Variants in DCLK1 observed in about 807,000 individuals in gnomAD.
DCLK1 encodes the protein serine/threonine-protein kinase DCLK1.
A neutral mutation model predicts 86.2 loss-of-function variants in DCLK1; 16 were observed. The observed-to-expected ratio is 0.19, with a 90% CI of 0.13 to 0.28. The LOEUF (loss-of-function observed/expected upper bound fraction) is 0.28. Ranked by LOEUF, DCLK1 falls within the 10% of genes least tolerant of loss-of-function variation. The pLI is 1.00. For synonymous variants in DCLK1, 369 were observed against 370.5 expected (o/e 1.00, Z 0.05); for missense variants, 590 against 940.2 (o/e 0.63, Z 4.87).
chr13:36,073,755 A>C (rs543922565), intron 3 of DCLK1, among the ~76,000 whole-genome samples: 1 of 152,298 alleles, frequency 6.6e-6, no homozygotes, highest in South Asian at 2.1e-4. Flanking sequence ...TATTTGAAAA[A>C]TGAGGACCTT....
chr13:35,958,283 TGCC>T (rs369545634), intron 3 of DCLK1, among the ~76,000 whole-genome samples: 312 of 3,716 alleles, frequency 0.084, 10 homozygotes, highest in African/African-American at 0.11. Context: ...CCACCATCAC[TGCC>T]ACTATAACCA....
At chr13:36,130,031 A>T (rs1357423447) in intron 1 of DCLK1, among the ~76,000 whole-genome samples, 1 of 152,180 alleles carries the variant, frequency 6.6e-6, no homozygotes, top group Admixed American at 6.5e-5. Flanking sequence ...GGCATATTTT[A>T]ACCGTGGGAT....
At chr13:35,916,159 C>A (rs1593729774) in intron 4 of DCLK1, among the ~76,000 whole-genome samples, 1 of 152,110 alleles carries the variant, frequency 6.6e-6, no homozygotes. Flanking sequence ...GGAGCAAAAC[C>A]CTAAGAATCC....
intron 3 of DCLK1, among the ~76,000 whole-genome samples, chr13:35,978,203 C>CTTTTTTTTTTTTTTTTTTTTTTTTT (rs11311688): frequency 1.2e-5 from 1 of 82,756 alleles, no homozygotes; most frequent in Non-Finnish European, 2.3e-5. Flanking sequence ...CTTTTCTTTT[C>CTTTTTTTTTTTTTTTTTTTTTTTTT]TTTTTTTTTT....
chr13:36,079,445 C>T (rs1365249139), intron 3 of DCLK1, among the ~76,000 whole-genome samples: 1 of 151,964 alleles, frequency 6.6e-6, no homozygotes, highest in East Asian at 1.9e-4. Flanking sequence ...GCCTGGCCAA[C>T]ATGGTGAAAC....
At chr13:35,966,814 T>G (rs1878766950) in intron 3 of DCLK1, among the ~76,000 whole-genome samples, 1 of 151,946 alleles carries the variant, frequency 6.6e-6, no homozygotes, top group African/African-American at 2.4e-5. Flanking sequence ...CGCTCAATGT[T>G]GCCCAGGCTG....
chr13:35,991,885 G>A (rs1473292241), intron 3 of DCLK1, among the ~76,000 whole-genome samples: 2 of 151,942 alleles, frequency 1.3e-5, no homozygotes, highest in African/African-American at 4.8e-5. Context: ...TCTATTTGGG[G>A]GTAATGCTAG....
chr13:35,871,782 C>A (rs753607211), intron 4 of DCLK1, among the ~76,000 whole-genome samples: 1 of 152,152 alleles, frequency 6.6e-6, no homozygotes. Flanking sequence ...CACAACAGGA[C>A]CAAGTTTATT....
chr13:35,932,222 C>A (rs139274087), intron 4 of DCLK1, among the ~76,000 whole-genome samples: 4 of 152,242 alleles, frequency 2.6e-5, no homozygotes, highest in African/African-American at 9.6e-5. Flanking sequence ...TGAGCTGGAA[C>A]ATCTGATTTC....
At chr13:36,045,326 GTGTGTGTATATATATA>G (rs1339619163) in intron 3 of DCLK1, among the ~76,000 whole-genome samples, 12 of 60,930 alleles carry the variant, frequency 2.0e-4, no homozygotes, top group South Asian at 7.3e-4. Flanking sequence ...ATATGTGTGT[GTGTGTGTATATATATA>G]TATATATATA....
At chr13:35,949,859 C>T (rs1200156161) in intron 3 of DCLK1, among the ~76,000 whole-genome samples, 3 of 72,348 alleles carry the variant, frequency 4.1e-5, no homozygotes, top group Admixed American at 2.2e-4. Context: ...GGAAATGAAA[C>T]GTGATGAAAT....
chr13:36,086,623 G>A (rs1297752700), intron 3 of DCLK1, among the ~76,000 whole-genome samples: 1 of 151,514 alleles, frequency 6.6e-6, no homozygotes, highest in Non-Finnish European at 1.5e-5. Context: ...CCCTCCCCTC[G>A]CCCCTGCCCC....
chr13:36,047,422 T>C (rs1297026704), intron 3 of DCLK1, among the ~76,000 whole-genome samples: 1 of 152,146 alleles, frequency 6.6e-6, no homozygotes, highest in Non-Finnish European at 1.5e-5. Flanking sequence ...ATGGAAGCAA[T>C]CTAAGTGTCA....
chr13:36,035,114 G>A (rs1034612387), intron 3 of DCLK1, among the ~76,000 whole-genome samples: 26 of 152,046 alleles, frequency 1.7e-4, no homozygotes, highest in African/African-American at 6.0e-4. Flanking sequence ...AAATCACATC[G>A]CTGCCCATGG....
chr13:35,770,233 A>G lies in DCLK1; in HGVS notation c.*4302T>C, dbSNP rs1376645453. ...CCGTTTCATGTGTAAGCACCATTGA[A>G]CCAATTTTTAAAGCACATTTGCAGT... On this transcript the variant is annotated 3_prime_UTR_variant, in exon 17 of 17. Transcript: ENST00000360631. 6.6e-6 allele frequency: 1 copy of G among 152,188 alleles called. No homozygotes were observed. The highest frequency in any genetic ancestry group is 1.5e-5 in the Non-Finnish European group (1 of 68,026). The allele number at this position is 152,188 out of a possible 1,614,324, so 9.4% of individuals were successfully genotyped here. A position where few individuals can be genotyped will look rare whatever the true frequency, so the allele number is the denominator to read the frequency against.
rs2087069812 is a variant in DCLK1, at chr13:35,808,263, A to G, written c.1824T>C (p.Phe608=). Residue 608 remains phenylalanine, a synonymous_variant, in exon 14 of 17, where the codon TTT becomes TTC. Transcript: ENST00000360631. ...FDQILMGQVD[F]PSPYWDNVSD... is the part of the protein sequence containing the mutation. ...AAACATTATCCCAGTATGGAGAAGG[A>G]AAGTCCACCTGCCCCATCAAAATCT... 1 of 1,614,008 alleles carries G rather than the reference A, an allele frequency of 6.2e-7. No homozygotes were observed. Among genetic ancestry groups the G allele is most frequent in the South Asian group, 1.1e-5 (1 of 91,084 alleles).
chr13:36,066,344 C>T (rs975817614), intron 3 of DCLK1, among the ~76,000 whole-genome samples: 1 of 152,142 alleles, frequency 6.6e-6, no homozygotes, highest in African/African-American at 2.4e-5. Flanking sequence ...AGAGCTGCCC[C>T]ATTGGTCCTT....
chr13:35,779,757 TATC>T (rs1386503003), intron 16 of DCLK1, among the ~76,000 whole-genome samples: 6 of 152,204 alleles, frequency 3.9e-5, no homozygotes, highest in African/African-American at 1.4e-4. Context: ...TCTAATTTCT[TATC>T]ATACTAAACA....
intron 4 of DCLK1, among the ~76,000 whole-genome samples, chr13:35,883,918 G>T (rs1873072317): frequency 6.6e-6 from 1 of 152,184 alleles, no homozygotes; most frequent in South Asian, 2.1e-4. Context: ...CAAAGTGCAG[G>T]AGAGACCAAG....
Sources: gnomAD v4.1 joint callset for allele counts (sites outside exome capture counted in the v4.1 genomes callset) on GRCh38, gnomAD v4.1.1 for gene constraint, MANE v1.5 for transcripts, NCBI Gene and HGNC (gene_info 2026-07-23, HGNC 2026-07-21) for gene names.